SLA: variants seen among roughly 807,000 people sequenced by gnomAD.
The protein encoded by SLA is src-like-adapter.
SLA carries 16 observed loss-of-function variants against 30.3 expected under a neutral mutation model. The observed-to-expected ratio is 0.53, with a 90% confidence interval of 0.36 to 0.80. The LOEUF is 0.80. SLA is among the 30% of genes least tolerant of loss of function. The probability of loss-of-function intolerance (pLI) is 0.01; values close to 1 mark genes in which losing one functional copy is unlikely to be tolerated. For missense variants in SLA, 310 were observed against 345.2 expected, an observed-to-expected ratio of 0.90 and a Z score of 0.81; for synonymous variants, 143 against 137.8, an observed-to-expected ratio of 1.04 and a Z score of -0.26.
At chr8:133,089,730 C>T (rs1186354415) in intron 1 of SLA, among the ~76,000 whole-genome samples, 1 of 152,202 alleles carries the variant, frequency 6.6e-6, no homozygotes, top group Non-Finnish European at 1.5e-5. Flanking sequence ...GTTCCAGGCC[C>T]TGTCCTGGGG....
chr8:133,040,196 C>T, intron 7 of SLA, 66 bp from the exon 8 acceptor site: 1 of 1,522,252 alleles, frequency 6.6e-7, no homozygotes, highest in Non-Finnish European at 8.9e-7. Context: ...GGGGTTCAGG[C>T]CTGAGACACT....
At chr8:133,039,261 T>C (rs1345697342) in intron 8 of SLA, among the ~76,000 whole-genome samples, 1 of 152,250 alleles carries the variant, frequency 6.6e-6, no homozygotes, top group Non-Finnish European at 1.5e-5. Context: ...ATTTTAATTC[T>C]GGTTCTTACA....
chr8:133,082,984 C>T (rs541675431), intron 1 of SLA, among the ~76,000 whole-genome samples: 189 of 152,306 alleles, frequency 1.2e-3, no homozygotes, highest in African/African-American at 2.2e-3. Context: ...TGCTTCCATG[C>T]CCACTGAGCC....
At chr8:133,062,844 G>A (rs1288523723) in intron 2 of SLA, among the ~76,000 whole-genome samples, 4 of 152,174 alleles carry the variant, frequency 2.6e-5, no homozygotes. Context: ...ACACGCACAG[G>A]GTGTCTTACA....
rs532735286 is a variant in SLA, at chr8:133,039,024, T to C, written c.618-287A>G. ...TCCTGAGTAGCTGGGATTACAACCATCCACCACCACGCCCAGCTAATTTTT... is the reference window on the plus strand; with the variant it reads ...TCCTGAGTAGCTGGGATTACAACCACCCACCACCACGCCCAGCTAATTTTT... On this transcript the variant is annotated intron_variant, in intron 8 of 8. Coordinates refer to ENST00000338087, the MANE Select transcript of SLA (RefSeq NM_001045556.3). Among the ~76,000 whole-genome samples the C allele has an allele frequency of 3.9e-5, 6 of 152,204 alleles. No homozygotes were observed. In the South Asian group the frequency reaches 1.0e-3, roughly 26 times the overall value.
At chr8:133,102,213 A>C (rs1279250998) in intron 1 of SLA, among the ~76,000 whole-genome samples, 2 of 152,236 alleles carry the variant, frequency 1.3e-5, no homozygotes, top group Non-Finnish European at 2.9e-5. Context: ...GAACCACCTC[A>C]GCTGACCTGA....
At chr8:133,096,099 C>A in intron 1 of SLA, 1 of 1,398,198 alleles carries the variant, frequency 7.2e-7, no homozygotes, top group Admixed American at 1.7e-5. Context: ...TCAGTAGAGT[C>A]ATAGATGGAT....
chr8:133,050,091 T>C (rs1281458949), intron 4 of SLA, 103 bp from the exon 5 acceptor site: 7 of 822,718 alleles, frequency 8.5e-6, no homozygotes, highest in Non-Finnish European at 1.5e-5. Context: ...GTTTGGAACA[T>C]TCCTCTTTTA....
intron 8 of SLA, among the ~76,000 whole-genome samples, chr8:133,038,988 C>CTG (rs1837631007): frequency 6.6e-6 from 1 of 152,134 alleles, no homozygotes; most frequent in African/African-American, 2.4e-5. Flanking sequence ...AGCGATTCTC[C>CTG]CTCCTTAGCC....
chr8:133,071,625 A>G (rs1410759130), intron 2 of SLA, among the ~76,000 whole-genome samples: 22 of 151,866 alleles, frequency 1.4e-4, no homozygotes, highest in Non-Finnish European at 2.9e-5. Flanking sequence ...TGTGACTTGG[A>G]TGGCATGCAG....
intron 1 of SLA, among the ~76,000 whole-genome samples, chr8:133,088,614 T>A (rs1157078420): frequency 6.6e-6 from 1 of 152,224 alleles, no homozygotes; most frequent in African/African-American, 2.4e-5. Flanking sequence ...AAATGTTTAA[T>A]TCTTTTCTGC....
At chr8:133,094,720 T>A (rs755314654) in intron 1 of SLA, 32 of 405,576 alleles carry the variant, frequency 7.9e-5, no homozygotes, top group Non-Finnish European at 1.0e-4. Context: ...TGCCACAATC[T>A]CCGATCCTCT....
At chr8:133,089,094 G>A (rs1847080794) in intron 1 of SLA, among the ~76,000 whole-genome samples, 1 of 152,162 alleles carries the variant, frequency 6.6e-6, no homozygotes, top group Admixed American at 6.5e-5. Context: ...GTGCGAGGGT[G>A]GAGACATGGC....
In SLA at chr8:133,050,001, G is replaced by C. The variant is rs1444486183; in HGVS notation, c.162-13C>G. ...CCAGCCCCCTTCACTGTAAGAACAA[G>C]AACAGAGAAGAACACAGAGATAGGT... On this transcript the variant is annotated splice_polypyrimidine_tract_variant and intron_variant, in intron 4 of 8. Coordinates refer to ENST00000338087, the MANE Select transcript of SLA (RefSeq NM_001045556.3). 5 of 1,544,806 alleles carry C rather than the reference G, an allele frequency of 3.2e-6. No homozygotes were observed. The Admixed American group carries it at 6.7e-5, about 21-fold the overall frequency.
At chr8:133,066,325 CAAA>C (rs11395047) in intron 2 of SLA, among the ~76,000 whole-genome samples, 1 of 87,112 alleles carries the variant, frequency 1.1e-5, no homozygotes. Context: ...GACTCTGTCT[CAAA>C]AAAAAAAAAA....
chr8:133,049,286 T>A (rs184599564), intron 5 of SLA: 33 of 400,294 alleles, frequency 8.2e-5, no homozygotes, highest in Middle Eastern at 5.8e-4. Flanking sequence ...CACATAAGCA[T>A]TTTTGGCAGT....
In SLA at chr8:133,037,080, A is replaced by G. The variant is rs1230901648; in HGVS notation, c.*1444T>C. The G allele has an allele frequency of 6.6e-6, 1 of 152,256 alleles. No individual in the cohort carries two copies. Among genetic ancestry groups the G allele is most frequent in the Non-Finnish European group, 1.5e-5 (1 of 68,054 alleles). The allele number at this position is 152,256 out of a possible 1,614,324, so 9.4% of individuals were successfully genotyped here. A position where few individuals can be genotyped will look rare whatever the true frequency, so the allele number is the denominator to read the frequency against. ...CTGTGTAACTGCACATACACATACCAGTAGCACGATGAGCTCAGATGGACG... is the reference window on the plus strand; with the variant it reads ...CTGTGTAACTGCACATACACATACCGGTAGCACGATGAGCTCAGATGGACG... On this transcript the variant is annotated 3_prime_UTR_variant, in exon 9 of 9. Transcript: ENST00000338087.
chr8:133,039,036 C>T (rs772620571), intron 8 of SLA, among the ~76,000 whole-genome samples: 59 of 152,266 alleles, frequency 3.9e-4, no homozygotes, highest in Non-Finnish European at 7.1e-4. Flanking sequence ...CACCACCACG[C>T]CCAGCTAATT....
chr8:133,038,541 G>C lies in SLA; in HGVS notation c.814C>G (p.Pro272Ala), dbSNP rs1428819446. The C allele has an allele frequency of 6.2e-7, 1 of 1,612,388 alleles. No homozygotes were observed. The highest frequency in any genetic ancestry group is 2.2e-5 in the East Asian group (1 of 44,872). ...GTTCTTGGCTAGTCCTCAAAGTAAG[G>C]TGGTGATGAGAAGAATGAGCTCTTT... ...KRKSSFFSSP[P>A]YFED The change falls in exon 9 of 9, where the codon CCT becomes GCT. Residue 272 changes from proline to alanine, a missense_variant. Transcript: ENST00000338087.
Sources: allele counts gnomAD v4.1 joint callset (sites outside exome capture counted in the v4.1 genomes callset), GRCh38; gene constraint gnomAD v4.1.1; transcripts MANE v1.5; gene names NCBI Gene and HGNC (gene_info 2026-07-23, HGNC 2026-07-21).